SBF2: variants seen among roughly 807,000 people sequenced by gnomAD.
SBF2 encodes the protein SET binding factor 2.
SBF2 carries 112 observed loss-of-function variants against 225.2 expected under a neutral mutation model. The ratio of observed to expected loss-of-function variants is 0.50; its 90% confidence interval spans 0.43 to 0.58. The LOEUF (loss-of-function observed/expected upper bound fraction) is 0.58. SBF2 is among the 20% of genes least tolerant of loss of function. SBF2 has a pLI of 0.00. For missense variants in SBF2, 1,996 were observed against 2,206.2 expected (o/e 0.90, Z 1.91); for synonymous variants, 763 against 773.3 (o/e 0.99, Z 0.22).
At chr11:9,999,289 GT>G (rs1947843699) in intron 8 of SBF2, among the ~76,000 whole-genome samples, 1 of 84,426 alleles carries the variant, frequency 1.2e-5, no homozygotes, top group Non-Finnish European at 2.7e-5. Flanking sequence ...CTGTATGTAT[GT>G]ATGTATGTAT....
At chr11:10,281,691 T>C (rs891353153) in intron 1 of SBF2, among the ~76,000 whole-genome samples, 2 of 152,092 alleles carry the variant, frequency 1.3e-5, no homozygotes, top group African/African-American at 4.8e-5. Flanking sequence ...CCTACACAAT[T>C]TCACAACTCT....
chr11:9,836,893 T>C (rs566056467), intron 26 of SBF2, among the ~76,000 whole-genome samples: 2 of 152,278 alleles, frequency 1.3e-5, no homozygotes, highest in South Asian at 4.1e-4. Context: ...AATAATGTTT[T>C]TAGTATATAT....
At chr11:9,825,753 A>G (rs1590165614) in intron 28 of SBF2, among the ~76,000 whole-genome samples, 1 of 152,372 alleles carries the variant, frequency 6.6e-6, no homozygotes, top group South Asian at 2.1e-4. Context: ...ACTGATTCGT[A>G]TAATAAGTCA....
rs781734068 is a variant in SBF2 at position 9,780,381 on chromosome 11, GTTC to G, written c.*34_*36del. 196 of 1,541,704 alleles carry G rather than the reference GTTC, an allele frequency of 1.3e-4. 1 individual carries two copies. The highest frequency in any genetic ancestry group is 1.7e-4 in the Non-Finnish European group (187 of 1,115,270). ...TTTTTCTATCTATCTGGCAGCATGA[GTTC>G]TTCTGTTTCTTCTGCGTGGGTTGAC... On this transcript the variant is annotated 3_prime_UTR_variant, in exon 40 of 40. Coordinates refer to ENST00000256190, the MANE Select transcript of SBF2 (RefSeq NM_030962.4).
intron 17 of SBF2, among the ~76,000 whole-genome samples, chr11:9,868,045 G>C (rs906206247): frequency 6.6e-6 from 1 of 152,070 alleles, no homozygotes; most frequent in African/African-American, 2.4e-5. Context: ...TGTTTGAGGT[G>C]ATGGATATTC....
At chr11:10,123,882 TAAC>T (rs1953603729) in intron 2 of SBF2, among the ~76,000 whole-genome samples, 2 of 152,180 alleles carry the variant, frequency 1.3e-5, no homozygotes, top group African/African-American at 2.4e-5. Context: ...TGTATTTACC[TAAC>T]AACAAGACTA....
intron 2 of SBF2, chr11:10,149,273 C>G (rs555187068): frequency 2.0e-5 from 3 of 152,274 alleles, no homozygotes; most frequent in African/African-American, 7.2e-5. Context: ...TGTAGCCACT[C>G]GGCTACACGT....
intron 25 of SBF2, among the ~76,000 whole-genome samples, chr11:9,840,841 C>G (rs7927606): frequency 0.28 from 42,202 of 151,662 alleles, 6,792 homozygotes; most frequent in African/African-American, 0.44. Flanking sequence ...GTTTTACAAT[C>G]ACAGGTTACA....
Position 9,778,931 on chromosome 11 carries a change from C to G in SBF2, c.*1487G>C, listed in dbSNP as rs548644898. 36 of 152,668 alleles carry G rather than the reference C, an allele frequency of 2.4e-4. No homozygotes were observed. The highest frequency in any genetic ancestry group is 8.2e-4 in the African/African-American group (34 of 41,542). 9.5% of individuals were successfully genotyped at this position (152,668 alleles called of 1,614,324 possible). On this transcript the variant is annotated 3_prime_UTR_variant, in exon 40 of 40. Coordinates refer to ENST00000256190, the MANE Select transcript of SBF2 (RefSeq NM_030962.4). ...AAGGTACAATGGGCTCCATATTTTA[C>G]AAAGTACAAAAAATTATTTCATATA...
At chr11:9,879,712 C>T (rs1859578653) in intron 17 of SBF2, among the ~76,000 whole-genome samples, 2 of 152,206 alleles carry the variant, frequency 1.3e-5, no homozygotes, top group African/African-American at 4.8e-5. Flanking sequence ...AGGTGCTTTA[C>T]ATGAATAATT....
At chr11:10,198,284 GA>G (rs1957450599) in intron 1 of SBF2, among the ~76,000 whole-genome samples, 1 of 152,172 alleles carries the variant, frequency 6.6e-6, no homozygotes, top group Non-Finnish European at 1.5e-5. Context: ...TAGCAGGCAT[GA>G]AAACAACATT....
At chr11:10,162,009 G>A (rs759187666) in intron 2 of SBF2, among the ~76,000 whole-genome samples, 2 of 151,976 alleles carry the variant, frequency 1.3e-5, no homozygotes, top group Non-Finnish European at 2.9e-5. Context: ...AAAAATAGTA[G>A]GAAGACTCGG....
chr11:9,862,718 T>G (rs1312387272), intron 17 of SBF2, among the ~76,000 whole-genome samples: 3 of 152,206 alleles, frequency 2.0e-5, no homozygotes, highest in African/African-American at 7.2e-5. Context: ...ATCTTCTGAT[T>G]GTGATAATTT....
intron 30 of SBF2, among the ~76,000 whole-genome samples, chr11:9,809,838 G>A (rs1027486743): frequency 2.0e-5 from 3 of 152,078 alleles, no homozygotes; most frequent in East Asian, 3.9e-4. Flanking sequence ...GAACCACCAC[G>A]CCTGGCCTAT....
chr11:9,804,041 A>G (rs973687782), intron 32 of SBF2, among the ~76,000 whole-genome samples: 2 of 152,144 alleles, frequency 1.3e-5, no homozygotes, highest in African/African-American at 4.8e-5. Context: ...CTGGAAGTCT[A>G]TGGAGGCAGG....
At chr11:9,959,544 G>A in intron 16 of SBF2, 1 of 782,908 alleles carries the variant, frequency 1.3e-6, no homozygotes. Flanking sequence ...GGTCCTTGTG[G>A]AAGGGGTCCC....
rs984828466 is a variant in SBF2, at chr11:9,938,133, T to G, written c.1860+23824A>C. 2.6e-5 allele frequency among the ~76,000 whole-genome samples: 4 copies of G among 151,642 alleles called. No individual in the cohort carries two copies. The East Asian group carries it at 7.7e-4, about 29-fold the overall frequency. On this transcript the variant is annotated intron_variant, in intron 16 of 39. Transcript: ENST00000256190. ...AGTGAAACCCCGTCTCCACTAAAAA[T>G]ACAAAAAATTAGCCGGGCGTGGTGG... is the stretch of plus-strand genomic sequence containing the variant.
chr11:9,973,243 A>C lies in SBF2; in HGVS notation c.1396-4698T>G, dbSNP rs1946539567. Among the ~76,000 whole-genome samples, 3 of 152,206 alleles carry C rather than the reference A, an allele frequency of 2.0e-5. No homozygotes were observed. The South Asian group carries it at 6.2e-4, about 31-fold the overall frequency. ...CATCTGCTTTTACTTGTAACACAAG[A>C]TGTGTTTGGACTGGTCCCTTGAACG... On this transcript the variant is annotated intron_variant, in intron 13 of 39. Coordinates refer to ENST00000256190, the MANE Select transcript of SBF2 (RefSeq NM_030962.4).
At chr11:10,150,729 T>C (rs1955137263) in intron 2 of SBF2, among the ~76,000 whole-genome samples, 1 of 152,144 alleles carries the variant, frequency 6.6e-6, no homozygotes, top group South Asian at 2.1e-4. Context: ...CCACATATTG[T>C]ACCTGGATAA....
Sources: allele counts gnomAD v4.1 joint callset (sites outside exome capture counted in the v4.1 genomes callset), GRCh38; gene constraint gnomAD v4.1.1; transcripts MANE v1.5; gene names NCBI Gene and HGNC (gene_info 2026-07-23, HGNC 2026-07-21).